PFKFB3: variants seen among roughly 807,000 people sequenced by gnomAD.
The protein encoded by PFKFB3 is 6-phosphofructo-2-kinase/fructose-2,6-bisphosphatase 3.
Under a neutral mutation model 68.0 loss-of-function variants are expected in PFKFB3, and 33 were observed. The observed-to-expected ratio is 0.49, with a 90% CI of 0.37 to 0.65. The LOEUF is 0.65. Among genes scored for constraint, PFKFB3 ranks in the 30% least tolerant of loss-of-function variants. PFKFB3 has a pLI of 0.00. For synonymous variants in PFKFB3, 315 were observed against 288.2 expected (o/e 1.09, Z -0.94); for missense variants, 586 against 712.2 (o/e 0.82, Z 2.02).
In PFKFB3 at chr10:6,210,348, TTTTTTTTG is replaced by T. The variant is rs1356660719; in HGVS notation, c.77-3259_77-3252del. ...CGCCCCTCTCTTTGTTTTTTTTTGT[TTTTTTTTG>T]TTTTTTTGTTTTTTTTTTTTTTGAG... On this transcript the variant is annotated intron_variant, in intron 1 of 14. Coordinates refer to ENST00000379775, the MANE Select transcript of PFKFB3 (RefSeq NM_004566.4). Among the ~76,000 whole-genome samples the T allele has an allele frequency of 6.1e-4, 18 of 29,596 alleles. 1 individual carries two copies. In the South Asian group the frequency reaches 0.019, roughly 31 times the overall value. The allele number at this position is 29,596 out of a possible 152,430, so 19.4% of individuals were successfully genotyped here.
intron 1 of PFKFB3, among the ~76,000 whole-genome samples, chr10:6,177,735 G>C (rs571847343): frequency 5.3e-5 from 8 of 151,924 alleles, no homozygotes; most frequent in Admixed American, 2.0e-4. Context: ...ACCATGTTAG[G>C]CTGGTCTCGA....
At chr10:6,202,049 A>G (rs1168220845), upstream of PFKFB3, among the ~76,000 whole-genome samples, 2 of 152,196 alleles carry the variant, frequency 1.3e-5, no homozygotes, top group Non-Finnish European at 2.9e-5. Context: ...TTTTCCCTCG[A>G]CTTAGGTAAT....
chr10:6,300,519 A>G, the PFKFB3 span, among the ~76,000 whole-genome samples: 1 of 152,186 alleles, frequency 6.6e-6, no homozygotes, highest in African/African-American at 2.4e-5. Context: ...GCTGCCTTGA[A>G]AAGTCAAAGC....
At position 6,184,800 on chromosome 10, in the gene PFKFB3, G is replaced by A. The variant is rs565783585; in HGVS notation, c.17-28823G>A. Among the ~76,000 whole-genome samples the A allele has an allele frequency of 5.0e-4, 71 of 141,510 alleles. No individual in the cohort carries two copies. In the Middle Eastern group the frequency reaches 0.011, roughly 22 times the overall value. 92.8% of individuals were successfully genotyped at this position (141,510 alleles called of 152,430 possible). ...TTTTTTTTTTTTTTTAAGAGAGCGT[G>A]TTTAGCTGTGTTGCCCAGGCTGGTC... On this transcript the variant is annotated intron_variant, in intron 1 of 14. Coordinates refer to the PFKFB3 transcript ENST00000379789.
chr10:6,184,983 G>T (rs188927572), intron 1 of PFKFB3, among the ~76,000 whole-genome samples: 1 of 152,150 alleles, frequency 6.6e-6, no homozygotes, highest in African/African-American at 2.4e-5. Context: ...CATCAGCTTC[G>T]CACGTTCACT....
chr10:6,157,890 G>C (rs10905919), intron 1 of PFKFB3, among the ~76,000 whole-genome samples: 62,112 of 151,836 alleles, frequency 0.41, 13,795 homozygotes, highest in Non-Finnish European at 0.51. Context: ...TGGAAAAACC[G>C]ACTTGACTGA....
At chr10:6,294,276 G>A in the PFKFB3 span, 1 of 513,694 alleles carries the variant, frequency 1.9e-6, no homozygotes, top group Admixed American at 2.1e-5. Flanking sequence ...GTATTAATCT[G>A]TTCTCACACT....
intron 1 of PFKFB3, among the ~76,000 whole-genome samples, chr10:6,150,127 A>G (rs1841528195): frequency 6.6e-6 from 1 of 152,138 alleles, no homozygotes; most frequent in South Asian, 2.1e-4. Flanking sequence ...CACCTCTTGC[A>G]GGCATATCTT....
chr10:6,315,484 CT>C, the PFKFB3 span, among the ~76,000 whole-genome samples: 27 of 152,102 alleles, frequency 1.8e-4, no homozygotes, highest in Non-Finnish European at 3.7e-4. Flanking sequence ...CGAGTATTTT[CT>C]TTTTTTCTTT....
chr10:6,278,126 C>T, the PFKFB3 span, among the ~76,000 whole-genome samples: 5 of 151,784 alleles, frequency 3.3e-5, no homozygotes, highest in Non-Finnish European at 5.9e-5. Context: ...CCATGTTTGC[C>T]AGGATGGTCT....
chr10:6,226,388 C>A, intron 14 of PFKFB3, 23 bp downstream of exon 14: 3 of 1,583,044 alleles, frequency 1.9e-6, no homozygotes, highest in Non-Finnish European at 2.6e-6. Context: ...CCCTTTCCTT[C>A]CTGCCTGGGG....
chr10:6,171,945 G>A (rs887448838), intron 1 of PFKFB3, among the ~76,000 whole-genome samples: 5 of 152,244 alleles, frequency 3.3e-5, no homozygotes, highest in African/African-American at 1.2e-4. Context: ...AGATCTGGCT[G>A]GAGCCCAAAG....
chr10:6,258,170 A>G (rs11816172), downstream of PFKFB3, among the ~76,000 whole-genome samples: 1,912 of 152,262 alleles, frequency 0.013, 40 homozygotes, highest in African/African-American at 0.043. Context: ...TGAGCAGCAT[A>G]TATATTTTGA....
chr10:6,257,748 C>T (rs1846505401), downstream of PFKFB3, among the ~76,000 whole-genome samples: 1 of 152,036 alleles, frequency 6.6e-6, no homozygotes, highest in Non-Finnish European at 1.5e-5. Context: ...TGGAAGAGTT[C>T]CTAGGACAAC....
rs1309414624 is a variant in PFKFB3 at position 6,215,838 on chromosome 10, A to G, written c.300-287A>G. Among the ~76,000 whole-genome samples the G allele has an allele frequency of 6.6e-6, 1 of 152,120 alleles. No homozygotes were observed. Among genetic ancestry groups the G allele is most frequent in the East Asian group, 1.9e-4 (1 of 5,180 alleles). On this transcript the variant is annotated intron_variant, in intron 3 of 14. Transcript: ENST00000379775. The surrounding 1 kb of genome is among the most constrained non-coding windows in gnomAD (Gnocchi z 4.3). ...GGCCCCACCCCAGACCAGTTAGTGC[A>G]ACTCTGTGGGTGGCTCTGGGCAGCC...
At chr10:6,158,052 G>T (rs540280279) in intron 1 of PFKFB3, among the ~76,000 whole-genome samples, 1 of 151,640 alleles carries the variant, frequency 6.6e-6, no homozygotes, top group Non-Finnish European at 1.5e-5. Context: ...TTGGGAAGTC[G>T]AGACGGGTGG....
At chr10:6,272,071 G>A in the PFKFB3 span, among the ~76,000 whole-genome samples, 5 of 152,232 alleles carry the variant, frequency 3.3e-5, no homozygotes, top group Non-Finnish European at 5.9e-5. Flanking sequence ...CCATCCAGCA[G>A]GGAGGGCAGA....
chr10:6,172,908 G>A (rs569244505), intron 1 of PFKFB3, among the ~76,000 whole-genome samples: 1 of 151,844 alleles, frequency 6.6e-6, no homozygotes, highest in East Asian at 1.9e-4. Flanking sequence ...GTGCTGGGGC[G>A]CATCTGTCCT....
At position 6,233,610 on chromosome 10, in the gene PFKFB3, G is replaced by A. The variant is rs1332446219; in HGVS notation, c.*668G>A. On this transcript the variant is annotated 3_prime_UTR_variant, in exon 15 of 15. Coordinates refer to ENST00000379775, the MANE Select transcript of PFKFB3 (RefSeq NM_004566.4). ...CTCCAAAGATGTGCAAGGGCAGGCT[G>A]GCTGCACGGGGAGAGGGAAGTATTT... 1 of 152,760 alleles carries A rather than the reference G, an allele frequency of 6.5e-6. No homozygotes were observed. The highest frequency in any genetic ancestry group is 1.5e-5 in the Non-Finnish European group (1 of 68,172). 9.5% of individuals were successfully genotyped at this position (152,760 alleles called of 1,614,324 possible). A position where few individuals can be genotyped will look rare whatever the true frequency, so the allele number is the denominator to read the frequency against.
Sources: gnomAD v4.1 joint callset for allele counts (sites outside exome capture counted in the v4.1 genomes callset) on GRCh38, gnomAD v4.1.1 for gene constraint, Gnocchi (gnomAD v3.1) non-coding constraint, MANE v1.5 for transcripts, NCBI Gene and HGNC (gene_info 2026-07-23, HGNC 2026-07-21) for gene names.